The following IMMP2L variants were observed in gnomAD, a reference collection of about 807,000 sequenced individuals.
The protein encoded by IMMP2L is inner mitochondrial membrane peptidase subunit 2, also known as mitochondrial inner membrane protease subunit 2.
A neutral mutation model predicts 19.3 loss-of-function variants in IMMP2L; 18 were observed. The ratio of observed to expected loss-of-function variants is 0.93; its 90% CI spans 0.64 to 1.38. The LOEUF is 1.38. IMMP2L is among the 40% of genes most tolerant of loss of function. The probability of loss-of-function intolerance (pLI) is 0.00; values close to 1 mark genes in which losing one functional copy is unlikely to be tolerated. For missense variants in IMMP2L, 233 were observed against 218.2 expected, an observed-to-expected ratio of 1.07 and a Z score of -0.43; for synonymous variants, 76 against 73.0, an observed-to-expected ratio of 1.04 and a Z score of -0.21.
chr7:110,751,971 T>C (rs1052704452), intron 5 of IMMP2L, among the ~76,000 whole-genome samples: 3 of 151,988 alleles, frequency 2.0e-5, no homozygotes, highest in African/African-American at 7.2e-5. Context: ...ATTATTGAAA[T>C]TGCTGATCCT....
intron 3 of IMMP2L, among the ~76,000 whole-genome samples, chr7:111,061,012 A>G (rs1333331738): frequency 6.6e-6 from 1 of 152,230 alleles, no homozygotes. Flanking sequence ...TGCATAATAA[A>G]ATATCAAAAA....
At chr7:111,329,584 T>C (rs541713005) in intron 3 of IMMP2L, among the ~76,000 whole-genome samples, 2 of 151,774 alleles carry the variant, frequency 1.3e-5, no homozygotes, top group South Asian at 4.2e-4. Context: ...AGAACACTGA[T>C]AACAGAAAGG....
rs145360714 is a variant in IMMP2L, at chr7:110,856,005, T to A, written c.408+30588A>T. The stretch of plus-strand genomic sequence containing the variant: ...AACTGTATGCTTATAGTAAAACAAA[T>A]TCAGCTATAAGTTTTGAAAATATGG... On this transcript the variant is annotated intron_variant, in intron 5 of 5. Coordinates refer to ENST00000405709, the MANE Select transcript of IMMP2L (RefSeq NM_032549.4). Among the ~76,000 whole-genome samples, 674 of 152,142 alleles carry A rather than the reference T, an allele frequency of 4.4e-3. 9 individuals carry two copies. Among genetic ancestry groups the A allele is most frequent in the African/African-American group, 0.015 (634 of 41,544 alleles).
chr7:111,222,322 CAAA>C (rs1008868997), intron 3 of IMMP2L, among the ~76,000 whole-genome samples: 5 of 151,286 alleles, frequency 3.3e-5, no homozygotes, highest in African/African-American at 1.2e-4. Context: ...CCTAACAAAA[CAAA>C]AAAACTCTGC....
At chr7:110,945,680 G>C (rs1454415601) in intron 4 of IMMP2L, among the ~76,000 whole-genome samples, 1 of 151,874 alleles carries the variant, frequency 6.6e-6, no homozygotes, top group Non-Finnish European at 1.5e-5. Context: ...AAGGTCCTCA[G>C]ATTATTGTCA....
chr7:111,516,250 A>G (rs944090609), intron 2 of IMMP2L, among the ~76,000 whole-genome samples: 2 of 152,156 alleles, frequency 1.3e-5, no homozygotes, highest in Non-Finnish European at 2.9e-5. Context: ...AGAATGTACA[A>G]GAGTATCAAG....
chr7:110,954,596 T>C (rs1237247710), intron 4 of IMMP2L, among the ~76,000 whole-genome samples: 1 of 152,088 alleles, frequency 6.6e-6, no homozygotes, highest in Non-Finnish European at 1.5e-5. Context: ...CCGTGGAGTA[T>C]ACACTATTAC....
At chr7:111,443,245 T>C (rs1331932180) in intron 3 of IMMP2L, among the ~76,000 whole-genome samples, 1 of 151,860 alleles carries the variant, frequency 6.6e-6, no homozygotes, top group African/African-American at 2.4e-5. Context: ...GAGACAATAA[T>C]TTCTCTGTTA....
intron 3 of IMMP2L, among the ~76,000 whole-genome samples, chr7:111,387,441 C>T (rs1831870014): frequency 6.6e-6 from 1 of 152,072 alleles, no homozygotes; most frequent in Non-Finnish European, 1.5e-5. Context: ...TTATTGCAAA[C>T]CAATAAACAA....
intron 5 of IMMP2L, among the ~76,000 whole-genome samples, chr7:110,734,178 A>T (rs1562944687): frequency 6.6e-6 from 1 of 152,212 alleles, no homozygotes; most frequent in Admixed American, 6.5e-5. Flanking sequence ...GTGAGAGCTC[A>T]AAGAAGAAGA....
chr7:111,363,178 T>C (rs1156288737), intron 3 of IMMP2L, among the ~76,000 whole-genome samples: 5 of 152,104 alleles, frequency 3.3e-5, no homozygotes, highest in African/African-American at 7.2e-5. Context: ...TATAAAATTA[T>C]TGTTGGTGCC....
intron 4 of IMMP2L, among the ~76,000 whole-genome samples, chr7:110,956,146 T>C (rs758722944): frequency 2.1e-4 from 32 of 152,036 alleles, no homozygotes; most frequent in Non-Finnish European, 4.3e-4. Context: ...AATGGATTTT[T>C]TTGCTAATAC....
chr7:111,215,541 C>T (rs1391750418), intron 3 of IMMP2L, among the ~76,000 whole-genome samples: 1 of 152,016 alleles, frequency 6.6e-6, no homozygotes, highest in East Asian at 1.9e-4. Flanking sequence ...CCCATTTAGT[C>T]TAATTTCAAA....
At chr7:110,744,605 CAG>C (rs1246330575) in intron 5 of IMMP2L, among the ~76,000 whole-genome samples, 1 of 152,208 alleles carries the variant, frequency 6.6e-6, no homozygotes, top group Non-Finnish European at 1.5e-5. Context: ...CCCAGGCAAA[CAG>C]GGTCTGGAGT....
At chr7:111,400,063 C>T (rs1833277491) in intron 3 of IMMP2L, among the ~76,000 whole-genome samples, 1 of 152,082 alleles carries the variant, frequency 6.6e-6, no homozygotes, top group African/African-American at 2.4e-5. Context: ...GATACCTCTC[C>T]TGTGTGTTTT....
chr7:111,293,864 T>C (rs892995801), intron 3 of IMMP2L, among the ~76,000 whole-genome samples: 6 of 151,932 alleles, frequency 3.9e-5, no homozygotes, highest in Non-Finnish European at 7.4e-5. Flanking sequence ...AAATTAAGAA[T>C]GATACTCAGG....
chr7:110,940,979 C>T (rs1251705662), intron 4 of IMMP2L, among the ~76,000 whole-genome samples: 2 of 152,094 alleles, frequency 1.3e-5, no homozygotes, highest in Non-Finnish European at 2.9e-5. Context: ...TCTTAGGGGA[C>T]CAATCATCAC....
chr7:111,282,137 C>G (rs1185872219), intron 3 of IMMP2L, among the ~76,000 whole-genome samples: 1 of 151,990 alleles, frequency 6.6e-6, no homozygotes, highest in Non-Finnish European at 1.5e-5. Flanking sequence ...GCTTATAAGA[C>G]TAATTGGCTA....
intron 4 of IMMP2L, among the ~76,000 whole-genome samples, chr7:110,915,801 AG>A (rs1813547541): frequency 6.6e-6 from 1 of 152,146 alleles, no homozygotes; most frequent in East Asian, 1.9e-4. Context: ...ACTGCAAAAA[AG>A]AGAAAGAGAG....
Sources: allele counts gnomAD v4.1 joint callset (sites outside exome capture counted in the v4.1 genomes callset), GRCh38; gene constraint gnomAD v4.1.1; transcripts MANE v1.5; gene names NCBI Gene and HGNC (gene_info 2026-07-23, HGNC 2026-07-21).